Variants in FAM227B observed in about 807,000 individuals in gnomAD.
The protein encoded by FAM227B is protein FAM227B.
FAM227B carries 88 observed loss-of-function variants against 73.8 expected under a neutral mutation model. That is an observed-to-expected ratio of 1.19 (90% confidence interval 1.00 to 1.42). The LOEUF is 1.42. Among genes scored for constraint, FAM227B ranks in the 40% most tolerant of loss-of-function variants. The probability of loss-of-function intolerance (pLI) is 0.00; values close to 1 mark genes in which losing one functional copy is unlikely to be tolerated. For missense variants in FAM227B, 632 were observed against 590.9 expected (o/e 1.07, Z -0.72); for synonymous variants, 210 against 190.5 (o/e 1.10, Z -0.84).
At chr15:49,445,307 T>C (rs183621810) in intron 11 of FAM227B, among the ~76,000 whole-genome samples, 49 of 151,780 alleles carry the variant, frequency 3.2e-4, no homozygotes, top group Non-Finnish European at 6.5e-4. Flanking sequence ...GTTTGTATTG[T>C]TGCCATTTTT....
At chr15:49,453,106 G>A (rs1452293770) in intron 11 of FAM227B, among the ~76,000 whole-genome samples, 1 of 151,888 alleles carries the variant, frequency 6.6e-6, no homozygotes, top group Non-Finnish European at 1.5e-5. Flanking sequence ...CTAAAATATT[G>A]CATTGAGGTC....
At chr15:49,610,138 T>C (rs1248634967) in intron 3 of FAM227B, among the ~76,000 whole-genome samples, 1 of 151,964 alleles carries the variant, frequency 6.6e-6, no homozygotes, top group Non-Finnish European at 1.5e-5. Flanking sequence ...ATAATTAGAA[T>C]TTTTTATTTA....
intron 13 of FAM227B, among the ~76,000 whole-genome samples, chr15:49,364,449 G>A (rs1027703357): frequency 3.3e-5 from 5 of 151,864 alleles, no homozygotes; most frequent in Non-Finnish European, 7.4e-5. Context: ...CTGTGGGGTT[G>A]GTGGCAATGT....
chr15:49,437,848 A>T (rs2051252085), intron 11 of FAM227B, among the ~76,000 whole-genome samples: 1 of 151,662 alleles, frequency 6.6e-6, no homozygotes, highest in Non-Finnish European at 1.5e-5. Context: ...AAGTACTGTG[A>T]AAAAGGTATG....
chr15:49,524,096 C>A (rs753271570), intron 10 of FAM227B, among the ~76,000 whole-genome samples: 2 of 152,154 alleles, frequency 1.3e-5, no homozygotes, highest in Non-Finnish European at 2.9e-5. Context: ...AAGGCAGCTG[C>A]AAAATTTGCA....
At chr15:49,386,281 A>T (rs2046878607) in intron 11 of FAM227B, among the ~76,000 whole-genome samples, 1 of 151,794 alleles carries the variant, frequency 6.6e-6, no homozygotes, top group Admixed American at 6.6e-5. Flanking sequence ...TAAAAAAAAA[A>T]ATCAAAATTA....
At chr15:49,343,222 C>T (rs561298417) in intron 13 of FAM227B, among the ~76,000 whole-genome samples, 6 of 152,066 alleles carry the variant, frequency 3.9e-5, no homozygotes, top group African/African-American at 1.4e-4. Flanking sequence ...GTTTATTTTT[C>T]TTAATTCTTT....
chr15:49,380,844 A>G (rs983597105), intron 11 of FAM227B, among the ~76,000 whole-genome samples: 4 of 152,148 alleles, frequency 2.6e-5, no homozygotes, highest in Non-Finnish European at 5.9e-5. Context: ...TGTCGGCAGA[A>G]GCCCCTTGTG....
At chr15:49,479,048 G>A (rs2055633143) in intron 11 of FAM227B, among the ~76,000 whole-genome samples, 1 of 152,000 alleles carries the variant, frequency 6.6e-6, no homozygotes, top group Non-Finnish European at 1.5e-5. Flanking sequence ...CAGACAAAAA[G>A]GTTTAGATAA....
chr15:49,420,950 T>C (rs2049576931), intron 11 of FAM227B, among the ~76,000 whole-genome samples: 1 of 152,032 alleles, frequency 6.6e-6, no homozygotes, highest in South Asian at 2.1e-4. Context: ...TTGTGATCCA[T>C]CCGCCTCGGC....
intron 5 of FAM227B, among the ~76,000 whole-genome samples, chr15:49,584,081 T>C (rs1203596056): frequency 6.6e-6 from 1 of 152,144 alleles, no homozygotes; most frequent in Non-Finnish European, 1.5e-5. Context: ...TACAGGCCAA[T>C]ACTCTTGATG....
chr15:49,407,222 T>A (rs989428468), intron 11 of FAM227B, among the ~76,000 whole-genome samples: 6 of 152,192 alleles, frequency 3.9e-5, no homozygotes, highest in African/African-American at 1.4e-4. Context: ...GCTCTCCCTG[T>A]CAACTTGAGT....
At chr15:49,396,751 C>G (rs1268397178) in intron 11 of FAM227B, among the ~76,000 whole-genome samples, 2 of 147,180 alleles carry the variant, frequency 1.4e-5, no homozygotes, top group South Asian at 2.2e-4. Context: ...ACACCTCACA[C>G]GGCAGGGTAC....
chr15:49,358,846 G>A (rs1428440224), intron 13 of FAM227B, among the ~76,000 whole-genome samples: 2 of 151,568 alleles, frequency 1.3e-5, no homozygotes, highest in African/African-American at 4.9e-5. Context: ...TATACTACAA[G>A]GCTACAGTAA....
At position 49,364,850 on chromosome 15, in the gene FAM227B, G is replaced by T. The variant is rs112474567; in HGVS notation, c.1271+2598C>A. On this transcript the variant is annotated intron_variant, in intron 13 of 15. Transcript: ENST00000299338. ...TAAAAAAGCATAGGGATGGGTCAAG[G>T]CATTTTTTTTTTTAAGAAAAATATA... Among the ~76,000 whole-genome samples, 981 of 151,864 alleles carry T rather than the reference G, an allele frequency of 6.5e-3. 17 individuals carry two copies. Among genetic ancestry groups the T allele is most frequent in the African/African-American group, 0.023 (944 of 41,438 alleles).
chr15:49,504,518 A>G (rs1015757683), intron 11 of FAM227B, among the ~76,000 whole-genome samples: 2 of 152,182 alleles, frequency 1.3e-5, no homozygotes, highest in African/African-American at 4.8e-5. Flanking sequence ...GAAGCCTGCT[A>G]GAAATGCAAA....
intron 8 of FAM227B, among the ~76,000 whole-genome samples, chr15:49,568,962 T>C (rs2074880501): frequency 6.6e-6 from 1 of 152,000 alleles, no homozygotes; most frequent in African/African-American, 2.4e-5. Flanking sequence ...CTGGTGTTTA[T>C]TCTTCTTTAA....
At chr15:49,339,205 G>A (rs2040288214) in intron 13 of FAM227B, among the ~76,000 whole-genome samples, 1 of 152,152 alleles carries the variant, frequency 6.6e-6, no homozygotes. Context: ...TAGCAGAGAA[G>A]AGGCATTCTG....
At chr15:49,332,138 T>C (rs2038911854) in intron 14 of FAM227B, among the ~76,000 whole-genome samples, 1 of 147,688 alleles carries the variant, frequency 6.8e-6, no homozygotes, top group African/African-American at 2.5e-5. Flanking sequence ...AGTCATACAC[T>C]TAGCAAGGAG....
Sources: gnomAD v4.1 joint callset for allele counts (sites outside exome capture counted in the v4.1 genomes callset) on GRCh38, gnomAD v4.1.1 for gene constraint, MANE v1.5 for transcripts, NCBI Gene and HGNC (gene_info 2026-07-23, HGNC 2026-07-21) for gene names.